SGCZ: variants seen among roughly 807,000 people sequenced by gnomAD.
SGCZ encodes sarcoglycan zeta.
A neutral mutation model predicts 41.3 loss-of-function variants in SGCZ; 40 were observed. The observed-to-expected ratio is 0.97, with a 90% CI of 0.75 to 1.26. The LOEUF is 1.26. SGCZ is among the 50% of genes most tolerant of loss of function. The pLI is 0.00. For synonymous variants in SGCZ, 206 were observed against 137.5 expected, an observed-to-expected ratio of 1.50 and a Z score of -3.49; for missense variants, 552 against 369.8, an observed-to-expected ratio of 1.49 and a Z score of -4.04.
intron 5 of SGCZ, among the ~76,000 whole-genome samples, chr8:14,123,935 G>A (rs1419196635): frequency 6.6e-6 from 1 of 152,124 alleles, no homozygotes; most frequent in African/African-American, 2.4e-5. Context: ...AGAGGCACAA[G>A]AATAGTCTGA....
chr8:14,587,282 A>G (rs772594535), intron 1 of SGCZ, among the ~76,000 whole-genome samples: 3 of 151,720 alleles, frequency 2.0e-5, no homozygotes, highest in Non-Finnish European at 2.9e-5. Context: ...AAAAACTGAA[A>G]AAAATGTTTA....
intron 5 of SGCZ, among the ~76,000 whole-genome samples, chr8:14,135,773 G>A (rs540892150): frequency 8.5e-4 from 130 of 152,168 alleles, no homozygotes; most frequent in Admixed American, 8.4e-3. Context: ...AAACAGAAGA[G>A]GATAAAATAC....
chr8:14,424,918 C>T (rs142599344), intron 2 of SGCZ, among the ~76,000 whole-genome samples: 3 of 152,178 alleles, frequency 2.0e-5, no homozygotes, highest in South Asian at 2.1e-4. Context: ...TCAGTTTAGC[C>T]TCTCATACTA....
intron 1 of SGCZ, among the ~76,000 whole-genome samples, chr8:15,138,455 C>T (rs939932878): frequency 5.9e-5 from 9 of 152,038 alleles, no homozygotes; most frequent in Non-Finnish European, 8.8e-5. Context: ...GGTTGGGCGG[C>T]ACCCCCACTC....
intron 1 of SGCZ, among the ~76,000 whole-genome samples, chr8:14,953,947 T>C (rs959777036): frequency 3.3e-5 from 5 of 152,186 alleles, no homozygotes; most frequent in Middle Eastern, 3.2e-3. Flanking sequence ...TCATCCCCAG[T>C]CCTTTCAGTG....
chr8:14,845,265 G>C (rs1236141384), intron 1 of SGCZ, among the ~76,000 whole-genome samples: 2 of 152,146 alleles, frequency 1.3e-5, no homozygotes, highest in East Asian at 3.9e-4. Context: ...TGTCTCAGTA[G>C]TAGGGAATAA....
intron 1 of SGCZ, among the ~76,000 whole-genome samples, chr8:14,811,989 A>C (rs1279739864): frequency 6.6e-6 from 1 of 152,036 alleles, no homozygotes; most frequent in African/African-American, 2.4e-5. Flanking sequence ...AATGATATGC[A>C]ACTCAGGAAT....
chr8:15,096,605 T>C (rs1585558074), intron 1 of SGCZ, among the ~76,000 whole-genome samples: 3 of 152,320 alleles, frequency 2.0e-5, no homozygotes, highest in East Asian at 3.9e-4. Context: ...TATATCTTAT[T>C]TCTTCCCAGA....
At chr8:14,449,874 A>C (rs1800541929) in intron 2 of SGCZ, among the ~76,000 whole-genome samples, 1 of 152,178 alleles carries the variant, frequency 6.6e-6, no homozygotes, top group Non-Finnish European at 1.5e-5. Context: ...TTCACCCCAC[A>C]ACCTTCTTCA....
rs184246447 is a variant in SGCZ, at chr8:14,415,730, T to C, written c.235-91526A>G. On this transcript the variant is annotated intron_variant, in intron 2 of 7. Coordinates refer to ENST00000382080, the MANE Select transcript of SGCZ (RefSeq NM_139167.4). The stretch of plus-strand genomic sequence containing the variant: ...CCTTGGAATAACAGTTGAGAACATA[T>C]CTTGAAAGTTCAAAAGACTCAGATG... Among the ~76,000 whole-genome samples the C allele has an allele frequency of 5.3e-4, 80 of 151,978 alleles. 1 individual carries two copies. In the Middle Eastern group the frequency reaches 0.02, roughly 39 times the overall value.
At chr8:14,638,854 C>T (rs1806922274) in intron 1 of SGCZ, among the ~76,000 whole-genome samples, 1 of 151,710 alleles carries the variant, frequency 6.6e-6, no homozygotes, top group African/African-American at 2.4e-5. Flanking sequence ...TTTTATTTCA[C>T]ATTTAAAATA....
intron 1 of SGCZ, among the ~76,000 whole-genome samples, chr8:15,233,364 G>C (rs1292495925): frequency 6.8e-6 from 1 of 146,872 alleles, no homozygotes; most frequent in Non-Finnish European, 1.5e-5. Context: ...GAAAAAAATA[G>C]AATTCTTTTA....
At chr8:14,918,190 A>G (rs571727777) in intron 1 of SGCZ, among the ~76,000 whole-genome samples, 1 of 152,224 alleles carries the variant, frequency 6.6e-6, no homozygotes, top group Non-Finnish European at 1.5e-5. Context: ...AGTCATCCCT[A>G]TAACGGAGAA....
intron 1 of SGCZ, among the ~76,000 whole-genome samples, chr8:15,048,607 A>C (rs1804400113): frequency 6.6e-6 from 1 of 152,126 alleles, no homozygotes; most frequent in South Asian, 2.1e-4. Flanking sequence ...AGATATGTAC[A>C]ATTATTATGC....
At chr8:14,555,701 G>A (rs969628692) in intron 1 of SGCZ, among the ~76,000 whole-genome samples, 1 of 152,004 alleles carries the variant, frequency 6.6e-6, no homozygotes, top group Non-Finnish European at 1.5e-5. Flanking sequence ...GAGAGAGACT[G>A]AGTCTACCAC....
At chr8:15,149,131 G>A (rs1475519010) in intron 1 of SGCZ, among the ~76,000 whole-genome samples, 1 of 151,986 alleles carries the variant, frequency 6.6e-6, no homozygotes, top group Non-Finnish European at 1.5e-5. Context: ...CCCCACAGCA[G>A]GTCAGAGGCT....
At chr8:14,449,253 T>A (rs983702759) in intron 2 of SGCZ, among the ~76,000 whole-genome samples, 39 of 152,234 alleles carry the variant, frequency 2.6e-4, no homozygotes, top group African/African-American at 5.1e-4. Context: ...CTTGTTCTAT[T>A]TCTAAACAAA....
chr8:15,231,371 T>A (rs1223495683), intron 1 of SGCZ, among the ~76,000 whole-genome samples: 1 of 152,122 alleles, frequency 6.6e-6, no homozygotes, highest in Admixed American at 6.6e-5. Flanking sequence ...CGTACAAACA[T>A]GTTGTTTAGG....
At chr8:14,829,931 C>T (rs1802469379) in intron 1 of SGCZ, among the ~76,000 whole-genome samples, 1 of 152,100 alleles carries the variant, frequency 6.6e-6, no homozygotes, top group Admixed American at 6.5e-5. Context: ...CCTGCCTCAG[C>T]CTCCTGAGTA....
Sources: gnomAD v4.1 joint callset for allele counts (sites outside exome capture counted in the v4.1 genomes callset) on GRCh38, gnomAD v4.1.1 for gene constraint, MANE v1.5 for transcripts, NCBI Gene and HGNC (gene_info 2026-07-23, HGNC 2026-07-21) for gene names.